Variants in INTS9 observed in about 807,000 individuals in gnomAD.
INTS9 encodes the protein integrator complex subunit 9, also known as protein related to CPSF subunits of 74 kDa.
INTS9 carries 55 observed loss-of-function variants against 79.7 expected under a neutral mutation model. The ratio of observed to expected loss-of-function variants is 0.69; its 90% CI spans 0.56 to 0.86. The LOEUF (loss-of-function observed/expected upper bound fraction) is 0.86. Among genes scored for constraint, INTS9 ranks in the 40% least tolerant of loss-of-function variants. The pLI is 0.00. For missense variants in INTS9, 721 were observed against 831.5 expected (o/e 0.87, Z 1.64); for synonymous variants, 319 against 325.2 (o/e 0.98, Z 0.20).
chr8:28,835,775 G>C (rs1806775339), intron 5 of INTS9, among the ~76,000 whole-genome samples: 2 of 151,614 alleles, frequency 1.3e-5, no homozygotes, highest in Admixed American at 1.3e-4. Flanking sequence ...TAGGGTGTGG[G>C]CAGGACTGTT....
chr8:28,774,002 A>G (rs1359589996), intron 14 of INTS9, among the ~76,000 whole-genome samples: 20 of 152,068 alleles, frequency 1.3e-4, no homozygotes, highest in Non-Finnish European at 7.4e-5. Flanking sequence ...TTTAGTGGAG[A>G]TGGGGTTTCA....
chr8:28,816,061 G>T (rs947951952), intron 6 of INTS9, among the ~76,000 whole-genome samples: 2 of 151,596 alleles, frequency 1.3e-5, no homozygotes, highest in Admixed American at 6.6e-5. Flanking sequence ...AAAAAAATAT[G>T]AGAACATATT....
intron 2 of INTS9, among the ~76,000 whole-genome samples, chr8:28,854,394 G>C (rs17059506): frequency 4.2e-4 from 64 of 152,012 alleles, no homozygotes; most frequent in African/African-American, 1.5e-3. Context: ...ACAGGGGTAC[G>C]CAGGAGGTGC....
At position 28,837,701 on chromosome 8, in the gene INTS9, T is replaced by C; in HGVS notation, c.337A>G (p.Ile113Val). 1.2e-6 allele frequency: 2 copies of C among 1,614,026 alleles called. No homozygotes were observed. The highest frequency in any genetic ancestry group is 1.7e-6 in the Non-Finnish European group (2 of 1,179,992). ...CCTGTGAAGCCGGTGTGCTCGGTGA[T>C]GTATGGCAGCGCCATCATACAGTGA... is the stretch of plus-strand genomic sequence containing the variant. ...NYHCMMALPY[I>V]TEHTGFTGTV... is the part of the protein sequence containing the mutation. Residue 113 changes from isoleucine to valine, a missense_variant, in exon 5 of 17, where the codon ATC becomes GTC. Transcript: ENST00000521022.
At chr8:28,880,494 C>T (rs1425237342) in intron 1 of INTS9, among the ~76,000 whole-genome samples, 1 of 151,996 alleles carries the variant, frequency 6.6e-6, no homozygotes. Flanking sequence ...CTCCTAACCG[C>T]GAGTGATCCG....
At chr8:28,840,186 A>G (rs1807083778) in intron 4 of INTS9, among the ~76,000 whole-genome samples, 1 of 150,758 alleles carries the variant, frequency 6.6e-6, no homozygotes, top group African/African-American at 2.4e-5. Flanking sequence ...AAAACACATG[A>G]AAAAATGCTC....
At chr8:28,881,107 C>A (rs1809742386) in intron 1 of INTS9, among the ~76,000 whole-genome samples, 1 of 150,676 alleles carries the variant, frequency 6.6e-6, no homozygotes, top group African/African-American at 2.4e-5. Context: ...CGGCAGCCAC[C>A]CCGTCCGGGA....
intron 8 of INTS9, among the ~76,000 whole-genome samples, chr8:28,802,955 A>G (rs958306967): frequency 2.8e-4 from 42 of 151,958 alleles, no homozygotes; most frequent in Admixed American, 2.8e-3. Flanking sequence ...ACAAAAAAAA[A>G]AAAAAAAAAA....
chr8:28,837,552 C>T (rs1212190055), intron 5 of INTS9, 85 bp downstream of exon 5: 2 of 1,428,854 alleles, frequency 1.4e-6, no homozygotes, highest in East Asian at 5.0e-5. Context: ...TAACCACCAG[C>T]CCTGGTATAA....
At chr8:28,864,283 T>C (rs961449610) in intron 1 of INTS9, among the ~76,000 whole-genome samples, 2 of 152,240 alleles carry the variant, frequency 1.3e-5, no homozygotes, top group African/African-American at 4.8e-5. Context: ...AGCCCATAAT[T>C]CCAACACCAT....
intron 4 of INTS9, among the ~76,000 whole-genome samples, chr8:28,839,159 G>C (rs1807005792): frequency 6.6e-6 from 1 of 152,116 alleles, no homozygotes; most frequent in Non-Finnish European, 1.5e-5. Context: ...ATGATGTAGA[G>C]AGCCAAATCA....
Position 28,775,870 on chromosome 8 carries a change from G to A in INTS9, c.1452C>T (p.His484=), listed in dbSNP as rs142907634. Reference sequence around the variant, plus strand: ...GGCAGTCGATCATGAGGTCCATCCTGTGGGACTGGGCTGGGGGCGGCTGAG... The same window carrying A: ...GGCAGTCGATCATGAGGTCCATCCTATGGGACTGGGCTGGGGGCGGCTGAG... ...QYTQPPPAQS[H]RMDLMIDCQP... Residue 484 remains histidine, a synonymous_variant, in exon 14 of 17, where the codon CAC becomes CAT. Coordinates refer to ENST00000521022, the MANE Select transcript of INTS9 (RefSeq NM_018250.4). 58 of 1,611,722 alleles carry A rather than the reference G, an allele frequency of 3.6e-5. No individual in the cohort carries two copies. In the African/African-American group the frequency reaches 6.4e-4, roughly 18 times the overall value.
intron 6 of INTS9, among the ~76,000 whole-genome samples, chr8:28,832,390 A>G (rs189745926): frequency 6.6e-6 from 1 of 152,352 alleles, no homozygotes; most frequent in East Asian, 1.9e-4. Context: ...ACATCCCCAA[A>G]CAAGGAAACA....
intron 11 of INTS9, among the ~76,000 whole-genome samples, chr8:28,783,142 CAAAAAAAAAAAAA>C (rs559306996): frequency 0.013 from 1,417 of 111,716 alleles, 27 homozygotes; most frequent in African/African-American, 0.051. Flanking sequence ...GACTCCGTCT[CAAAAAAAAAAAAA>C]AAAAAAAAAA....
intron 10 of INTS9, among the ~76,000 whole-genome samples, chr8:28,791,548 A>G (rs1803919904): frequency 6.6e-6 from 1 of 152,220 alleles, no homozygotes; most frequent in South Asian, 2.1e-4. Flanking sequence ...ACCTCCTTCC[A>G]GAATGCCTTT....
At chr8:28,781,774 G>A (rs888892510) in intron 11 of INTS9, among the ~76,000 whole-genome samples, 5 of 152,220 alleles carry the variant, frequency 3.3e-5, no homozygotes, top group African/African-American at 9.6e-5. Flanking sequence ...CCAGGGATTC[G>A]TGGAGAGTGA....
chr8:28,782,658 G>A (rs12681137), intron 11 of INTS9, among the ~76,000 whole-genome samples: 3 of 152,376 alleles, frequency 2.0e-5, no homozygotes, highest in East Asian at 3.9e-4. Context: ...GCTTACGCCT[G>A]TAATTCCAGC....
intron 11 of INTS9, among the ~76,000 whole-genome samples, chr8:28,787,249 CTTTTATT>C (rs1350316298): frequency 1.3e-5 from 2 of 152,234 alleles, no homozygotes; most frequent in Middle Eastern, 3.4e-3. Flanking sequence ...AGGAAGAAGC[CTTTTATT>C]TGTTGAACTG....
At chr8:28,819,874 T>C (rs1403011404) in intron 6 of INTS9, among the ~76,000 whole-genome samples, 4 of 152,226 alleles carry the variant, frequency 2.6e-5, no homozygotes, top group African/African-American at 9.6e-5. Flanking sequence ...AGTTAGTTCT[T>C]CTTGTTGAAT....
Sources: gnomAD v4.1 joint callset for allele counts (sites outside exome capture counted in the v4.1 genomes callset) on GRCh38, gnomAD v4.1.1 for gene constraint, MANE v1.5 for transcripts, NCBI Gene and HGNC (gene_info 2026-07-23, HGNC 2026-07-21) for gene names.